Variants in MRM1 observed in about 807,000 individuals in gnomAD.
MRM1 encodes rRNA methyltransferase 1, mitochondrial.
MRM1 carries 24 observed loss-of-function variants against 25.0 expected under a neutral mutation model. That is an observed-to-expected ratio of 0.96 (90% CI 0.69 to 1.35). MRM1 has a LOEUF of 1.35. MRM1 is among the 40% of genes most tolerant of loss of function. The pLI is 0.00. For missense variants in MRM1, 431 were observed against 464.1 expected (o/e 0.93, Z 0.65); for synonymous variants, 188 against 199.2 (o/e 0.94, Z 0.47).
At chr17:36,626,011 A>G in the MRM1 span, among the ~76,000 whole-genome samples, 1 of 150,308 alleles carries the variant, frequency 6.7e-6, no homozygotes, top group Non-Finnish European at 1.5e-5. Context: ...CCCAACCTGA[A>G]TTCCCTCTGG....
In MRM1 at chr17:36,607,801, G is replaced by C. The variant is rs746877584; in HGVS notation, c.768G>C (p.Leu256=). The C allele has an allele frequency of 6.2e-6, 10 of 1,613,930 alleles. No individual in the cohort carries two copies. The South Asian group carries it at 1.1e-4, about 18-fold the overall frequency. ...FLWERPTLLV[L]GNEGSGLSQE... The stretch of plus-strand genomic sequence containing the variant: ...GGGAACGGCCTACTCTCCTTGTGCT[G>C]GGTAGGTGGATGTCCCTGCGTTTGT... Residue 256 remains leucine (L), a splice_region_variant and synonymous_variant, in exon 3 of 5, where the codon CTG becomes CTC. Coordinates refer to ENST00000614766, the MANE Select transcript of MRM1 (RefSeq NM_024864.5).
At chr17:36,610,544 A>C (rs980343625), downstream of MRM1, among the ~76,000 whole-genome samples, 21 of 151,236 alleles carry the variant, frequency 1.4e-4, no homozygotes, top group African/African-American at 5.1e-4. Flanking sequence ...AGATCTTTTT[A>C]AAGTCAAAGT....
chr17:36,625,899 C>T, the MRM1 span, among the ~76,000 whole-genome samples: 1 of 152,140 alleles, frequency 6.6e-6, no homozygotes, highest in African/African-American at 2.4e-5. Flanking sequence ...CTCCCACTCC[C>T]TCCCCACAGC....
At chr17:36,603,819 A>G (rs1172050217) in intron 2 of MRM1, among the ~76,000 whole-genome samples, 3 of 152,232 alleles carry the variant, frequency 2.0e-5, no homozygotes, top group Non-Finnish European at 4.4e-5. Context: ...GCTAGTGGCT[A>G]CTATATTGAA....
chr17:36,608,295 G>A lies in MRM1; in HGVS notation c.942G>A (p.Gly314=). 6.2e-7 allele frequency: 1 copy of A among 1,606,224 alleles called. No homozygotes were observed. Among genetic ancestry groups the A allele is most frequent in the Non-Finnish European group, 8.5e-7 (1 of 1,176,508 alleles). The change falls in exon 5 of 5, where the codon GGG becomes GGA. Residue 314 remains glycine, a synonymous_variant. Transcript: ENST00000614766. ...CSQRKGFPTE[G]ERRQLLQDPQ... is the part of the protein sequence containing the mutation. The stretch of plus-strand genomic sequence containing the variant: ...AGAGGAAGGGTTTCCCCACAGAGGG[G>A]GAGAGAAGGCAGCTTCTCCAAGACC...
the MRM1 span, among the ~76,000 whole-genome samples, chr17:36,616,474 G>A: frequency 6.6e-6 from 1 of 152,154 alleles, no homozygotes; most frequent in Non-Finnish European, 1.5e-5. Context: ...ACTTTCCGTC[G>A]ACAGCCCCTT....
chr17:36,631,055 C>A, the MRM1 span, among the ~76,000 whole-genome samples: 1 of 152,208 alleles, frequency 6.6e-6, no homozygotes, highest in African/African-American at 2.4e-5. Context: ...ATGTCTCCCC[C>A]ACGGGATGAC....
At chr17:36,619,976 C>T in the MRM1 span, among the ~76,000 whole-genome samples, 1 of 152,148 alleles carries the variant, frequency 6.6e-6, no homozygotes, top group Non-Finnish European at 1.5e-5. Context: ...CATAGGCTTG[C>T]TGGCCACTTG....
In MRM1 at chr17:36,604,108, G is replaced by A. The variant is rs186187602; in HGVS notation, c.636+1462G>A. On this transcript the variant is annotated intron_variant, in intron 2 of 4. Coordinates refer to ENST00000614766, the MANE Select transcript of MRM1 (RefSeq NM_024864.5). ...GTGCTGGGGCCCCATCCCTTCCTGC[G>A]TACTCAGAGACACTGCTGTAGCAAT... Among the ~76,000 whole-genome samples the A allele has an allele frequency of 2.5e-3, 374 of 152,304 alleles. 3 individuals are homozygous for A. Among genetic ancestry groups the A allele is most frequent in the African/African-American group, 8.0e-3 (332 of 41,552 alleles).
intron 2 of MRM1, among the ~76,000 whole-genome samples, chr17:36,603,952 A>C (rs1311251760): frequency 6.6e-6 from 1 of 152,130 alleles, no homozygotes; most frequent in African/African-American, 2.4e-5. Flanking sequence ...GCTTCTGAAA[A>C]CACAGAAACA....
chr17:36,627,452 C>G, the MRM1 span, among the ~76,000 whole-genome samples: 1 of 152,198 alleles, frequency 6.6e-6, no homozygotes, highest in Non-Finnish European at 1.5e-5. Context: ...GCCTGTTTCC[C>G]ATCCCTATCC....
the MRM1 span, among the ~76,000 whole-genome samples, chr17:36,619,064 A>G: frequency 6.6e-6 from 1 of 152,184 alleles, no homozygotes; most frequent in East Asian, 1.9e-4. Flanking sequence ...TCCACCACCC[A>G]GCCCTTGGCA....
At chr17:36,611,648 G>T (rs1273251367), downstream of MRM1, among the ~76,000 whole-genome samples, 6 of 152,180 alleles carry the variant, frequency 3.9e-5, no homozygotes, top group Non-Finnish European at 8.8e-5. Context: ...CCTAATGTGA[G>T]TGGGTCTCAT....
the MRM1 span, among the ~76,000 whole-genome samples, chr17:36,614,447 C>T: frequency 1.2e-4 from 19 of 152,192 alleles, no homozygotes; most frequent in Non-Finnish European, 2.6e-4. Flanking sequence ...CACTGTCCCC[C>T]TCTCCTGAGG....
chr17:36,622,141 C>G, the MRM1 span, among the ~76,000 whole-genome samples: 9 of 152,150 alleles, frequency 5.9e-5, no homozygotes, highest in Non-Finnish European at 1.2e-4. Context: ...TCTCCTCCAC[C>G]AGGGGCCAGA....
intron 2 of MRM1, among the ~76,000 whole-genome samples, chr17:36,604,176 C>T (rs758455042): frequency 3.0e-4 from 45 of 152,212 alleles, no homozygotes; most frequent in Admixed American, 2.4e-3. Flanking sequence ...CTTACACTCT[C>T]TTCAGCATGC....
At chr17:36,612,763 G>A (rs2074984484), downstream of MRM1, among the ~76,000 whole-genome samples, 1 of 152,302 alleles carries the variant, frequency 6.6e-6, no homozygotes, top group Middle Eastern at 3.4e-3. Flanking sequence ...GATGACAGTG[G>A]TGTCCACTTC....
the MRM1 span, among the ~76,000 whole-genome samples, chr17:36,617,106 T>C: frequency 6.6e-6 from 1 of 152,160 alleles, no homozygotes; most frequent in Non-Finnish European, 1.5e-5. Flanking sequence ...TCCCACTGGC[T>C]TTAGGTGGTG....
In MRM1 at chr17:36,608,745, AC is replaced by A; in HGVS notation, c.*333del. The A allele has an allele frequency of 3.5e-6, 1 of 287,972 alleles. No individual in the cohort carries two copies. The allele number at this position is 287,972 out of a possible 1,614,324, so 17.8% of individuals were successfully genotyped here. On this transcript the variant is annotated 3_prime_UTR_variant, in exon 5 of 5. Transcript: ENST00000614766. Reference sequence around the variant, plus strand: ...AGAGGCAGGCAGCCCAGCCCAGGGGACCCGTTCCTCTTGAACCAGTCATTGC... The same window carrying A: ...AGAGGCAGGCAGCCCAGCCCAGGGGACCGTTCCTCTTGAACCAGTCATTGC...
Sources: allele counts gnomAD v4.1 joint callset (sites outside exome capture counted in the v4.1 genomes callset), GRCh38; gene constraint gnomAD v4.1.1; transcripts MANE v1.5; gene names NCBI Gene and HGNC (gene_info 2026-07-23, HGNC 2026-07-21).